The following SMCO2 variants were observed in gnomAD, a reference collection of about 807,000 sequenced individuals.
The protein encoded by SMCO2 is single-pass membrane protein with coiled-coil domains 2, also known as single-pass membrane and coiled-coil domain-containing protein 2.
In SMCO2, 25 loss-of-function variants were observed where a neutral mutation model predicts 29.5. The observed-to-expected ratio is 0.85, with a 90% CI of 0.62 to 1.18. The LOEUF (loss-of-function observed/expected upper bound fraction) is 1.18. Among genes scored for constraint, SMCO2 ranks in the 50% most tolerant of loss-of-function variants. SMCO2 has a pLI of 0.00. For synonymous variants in SMCO2, 117 were observed against 123.3 expected (o/e 0.95, Z 0.34); for missense variants, 348 against 344.5 (o/e 1.01, Z -0.08).
the SMCO2 span, among the ~76,000 whole-genome samples, chr12:27,445,621 C>A: frequency 6.6e-6 from 1 of 152,182 alleles, no homozygotes; most frequent in Non-Finnish European, 1.5e-5. Context: ...CACTCAGACC[C>A]ACATGTCCCA....
At chr12:27,474,475 A>G (rs981267266) in intron 3 of SMCO2, among the ~76,000 whole-genome samples, 12 of 152,138 alleles carry the variant, frequency 7.9e-5, no homozygotes, top group Non-Finnish European at 1.3e-4. Flanking sequence ...ATTTTTTTTA[A>G]GAGACCAGAA....
chr12:27,427,494 C>G, the SMCO2 span, among the ~76,000 whole-genome samples: 2 of 152,124 alleles, frequency 1.3e-5, no homozygotes, highest in Admixed American at 1.3e-4. Flanking sequence ...CAGAGGGCCT[C>G]AGGAGGCCTA....
intron 4 of SMCO2, among the ~76,000 whole-genome samples, chr12:27,480,233 C>T (rs1949629990): frequency 6.6e-6 from 1 of 152,222 alleles, no homozygotes; most frequent in Non-Finnish European, 1.5e-5. Context: ...TGCCTTGTTC[C>T]AGCTGTGCTG....
At chr12:27,489,255 G>A (rs758705759) in intron 5 of SMCO2, among the ~76,000 whole-genome samples, 2 of 152,000 alleles carry the variant, frequency 1.3e-5, no homozygotes, top group Non-Finnish European at 2.9e-5. Flanking sequence ...CATCATGTTG[G>A]CCAGGCTGAT....
At chr12:27,445,958 C>T in the SMCO2 span, among the ~76,000 whole-genome samples, 1 of 151,552 alleles carries the variant, frequency 6.6e-6, no homozygotes, top group South Asian at 2.1e-4. Context: ...GTCTGGAGTG[C>T]AATGGCGTGA....
the SMCO2 span, among the ~76,000 whole-genome samples, chr12:27,443,194 G>A: frequency 1.3e-5 from 2 of 152,186 alleles, no homozygotes; most frequent in Admixed American, 1.3e-4. Flanking sequence ...TCCCAGGGAT[G>A]CAAGGATGTT....
intron 5 of SMCO2, among the ~76,000 whole-genome samples, chr12:27,491,865 G>C (rs1942916945): frequency 6.6e-6 from 1 of 151,712 alleles, no homozygotes; most frequent in South Asian, 2.1e-4. Context: ...CACCACAGCT[G>C]GCTAATTTCT....
chr12:27,463,513 C>G (rs763847349), upstream of SMCO2, among the ~76,000 whole-genome samples: 3 of 152,108 alleles, frequency 2.0e-5, no homozygotes, highest in Non-Finnish European at 4.4e-5. Context: ...GTGATCTGCC[C>G]GCCTCAGCCT....
intron 7 of SMCO2, among the ~76,000 whole-genome samples, chr12:27,500,190 A>G (rs1943060134): frequency 6.6e-6 from 1 of 150,566 alleles, no homozygotes; most frequent in Non-Finnish European, 1.5e-5. Context: ...TTTTAAAATG[A>G]ATATCATGCT....
intron 1 of SMCO2, among the ~76,000 whole-genome samples, chr12:27,469,015 T>C (rs1438332346): frequency 1.3e-5 from 2 of 152,222 alleles, no homozygotes; most frequent in African/African-American, 4.8e-5. Flanking sequence ...CAGACGATGT[T>C]TTCTTTGAAA....
At chr12:27,460,390 G>C in the SMCO2 span, among the ~76,000 whole-genome samples, 1 of 152,062 alleles carries the variant, frequency 6.6e-6, no homozygotes, top group Non-Finnish European at 1.5e-5. Context: ...TACATAATCA[G>C]TAAATTAACA....
the SMCO2 span, among the ~76,000 whole-genome samples, chr12:27,443,190 G>T: frequency 2.0e-5 from 3 of 152,090 alleles, no homozygotes; most frequent in Non-Finnish European, 4.4e-5. Flanking sequence ...TTCATCCCAG[G>T]GATGCAAGGA....
the SMCO2 span, among the ~76,000 whole-genome samples, chr12:27,458,204 C>T: frequency 3.3e-5 from 5 of 152,102 alleles, no homozygotes; most frequent in African/African-American, 1.2e-4. Context: ...TATTAAAAAA[C>T]ATTACTTTCA....
intron 6 of SMCO2, among the ~76,000 whole-genome samples, chr12:27,494,612 C>T (rs2135576437): frequency 6.6e-6 from 1 of 151,466 alleles, no homozygotes; most frequent in East Asian, 1.9e-4. Flanking sequence ...ATCCATCAAC[C>T]CGTCATCTAC....
chr12:27,467,521 C>T (rs963364949), intron 1 of SMCO2, among the ~76,000 whole-genome samples: 3 of 151,498 alleles, frequency 2.0e-5, no homozygotes, highest in African/African-American at 4.9e-5. Flanking sequence ...TCCCAGGAAG[C>T]GCTGAGGCTG....
chr12:27,433,703 C>A, the SMCO2 span, among the ~76,000 whole-genome samples: 2 of 152,226 alleles, frequency 1.3e-5, no homozygotes, highest in African/African-American at 2.4e-5. Context: ...AATTGGATAT[C>A]TAGCTGGTGT....
the SMCO2 span, among the ~76,000 whole-genome samples, chr12:27,456,036 C>T: frequency 3.3e-5 from 5 of 152,106 alleles, no homozygotes; most frequent in African/African-American, 4.8e-5. Context: ...GCCAACATGG[C>T]GAAACCCCAT....
the SMCO2 span, among the ~76,000 whole-genome samples, chr12:27,456,950 T>C: frequency 3.3e-5 from 5 of 152,298 alleles, 1 homozygote; most frequent in East Asian, 5.8e-4. Flanking sequence ...CTACTGTGAA[T>C]TGTGCATGTG....
chr12:27,451,566 A>G, the SMCO2 span, among the ~76,000 whole-genome samples: 2 of 152,204 alleles, frequency 1.3e-5, no homozygotes, highest in Non-Finnish European at 2.9e-5. Flanking sequence ...TAACACGTGT[A>G]TTTTCTCCAC....
Sources: allele counts gnomAD v4.1 joint callset (sites outside exome capture counted in the v4.1 genomes callset), GRCh38; gene constraint gnomAD v4.1.1; transcripts MANE v1.5; gene names NCBI Gene and HGNC (gene_info 2026-07-23, HGNC 2026-07-21).